Variants in CELF2 observed in about 807,000 individuals in gnomAD.
CELF2 encodes CUGBP Elav-like family member 2, also known as CUG triplet repeat RNA-binding protein 2.
A neutral mutation model predicts 62.6 loss-of-function variants in CELF2; 8 were observed. The ratio of observed to expected loss-of-function variants is 0.13; its 90% confidence interval spans 0.07 to 0.23. CELF2 has a LOEUF of 0.23. CELF2 is among the 10% of genes least tolerant of loss of function. The pLI is 1.00. For missense variants in CELF2, 333 were observed against 671.0 expected, an observed-to-expected ratio of 0.50 and a Z score of 5.56; for synonymous variants, 258 against 250.0, an observed-to-expected ratio of 1.03 and a Z score of -0.30.
chr10:11,303,398 C>T (rs2093946672), intron 9 of CELF2, among the ~76,000 whole-genome samples: 1 of 152,188 alleles, frequency 6.6e-6, no homozygotes, highest in Non-Finnish European at 1.5e-5. Context: ...TCCATCCAGT[C>T]GCCACTCTGG....
At chr10:11,234,839 G>A (rs373583205) in intron 3 of CELF2, among the ~76,000 whole-genome samples, 137 of 152,234 alleles carry the variant, frequency 9.0e-4, no homozygotes, top group African/African-American at 3.2e-3. Context: ...AGGAAGCCCT[G>A]CAGAGTTAAA....
chr10:11,232,386 T>G (rs74115795), intron 3 of CELF2, among the ~76,000 whole-genome samples: 17,375 of 152,216 alleles, frequency 0.11, 1,413 homozygotes, highest in East Asian at 0.23. Flanking sequence ...AGTGACAACT[T>G]TGTCTCTGAG....
the CELF2 span, among the ~76,000 whole-genome samples, chr10:10,620,917 CAAAAAAAA>C: frequency 2.8e-5 from 1 of 35,794 alleles, no homozygotes; most frequent in African/African-American, 1.2e-4. Context: ...GACCCCATCT[CAAAAAAAA>C]AAAAAAAAAA....
the CELF2 span, among the ~76,000 whole-genome samples, chr10:10,531,098 C>T: frequency 6.6e-6 from 1 of 152,210 alleles, no homozygotes; most frequent in Non-Finnish European, 1.5e-5. Flanking sequence ...GATGTCAACA[C>T]TAGATCTTTC....
chr10:11,238,751 A>G (rs2072569927), intron 3 of CELF2, among the ~76,000 whole-genome samples: 1 of 152,222 alleles, frequency 6.6e-6, no homozygotes, highest in African/African-American at 2.4e-5. Flanking sequence ...TTGAACTAAG[A>G]AAAGATTGCC....
chr10:10,776,533 A>G, the CELF2 span: 2 of 154,206 alleles, frequency 1.3e-5, no homozygotes, highest in Non-Finnish European at 2.9e-5. Flanking sequence ...AGATCTAAGC[A>G]ATGAGAACAC....
the CELF2 span, among the ~76,000 whole-genome samples, chr10:10,720,450 A>G: frequency 6.6e-6 from 1 of 152,154 alleles, no homozygotes; most frequent in African/African-American, 2.4e-5. Flanking sequence ...GCCACAAACA[A>G]CAGGACAGTT....
chr10:10,545,897 T>A, the CELF2 span, among the ~76,000 whole-genome samples: 1 of 152,086 alleles, frequency 6.6e-6, no homozygotes, highest in Admixed American at 6.5e-5. Flanking sequence ...CATATCAAAA[T>A]AAGGCCACGT....
chr10:10,670,943 GGATCA>G, the CELF2 span, among the ~76,000 whole-genome samples: 10 of 151,954 alleles, frequency 6.6e-5, no homozygotes, highest in African/African-American at 1.9e-4. Context: ...CTGAGCAGGT[GGATCA>G]CTTGAGCCCA....
intron 1 of CELF2, among the ~76,000 whole-genome samples, chr10:11,130,691 C>T (rs1008566812): frequency 6.6e-6 from 1 of 152,098 alleles, no homozygotes; most frequent in Non-Finnish European, 1.5e-5. Context: ...TTTAAAAATA[C>T]ACTTAAAAAT....
chr10:10,869,412 AT>A (rs1269159961), intron 1 of CELF2, among the ~76,000 whole-genome samples: 4 of 152,068 alleles, frequency 2.6e-5, no homozygotes, highest in Admixed American at 2.0e-4. Flanking sequence ...AAATACAAAA[AT>A]TAATTGGGCA....
At chr10:10,823,973 G>C (rs892308934) in intron 1 of CELF2, among the ~76,000 whole-genome samples, 1 of 148,930 alleles carries the variant, frequency 6.7e-6, no homozygotes, top group Non-Finnish European at 1.5e-5. Flanking sequence ...GCAGATGATA[G>C]ATAGATAGAT....
rs1400614219 is a variant in CELF2 at position 11,165,541 on chromosome 10, C to T, written c.130C>T (p.Pro44Ser). The change falls in exon 2 of 13, where the codon CCA becomes TCA. Residue 44 changes from proline to serine, a missense_variant. This residue lies in a region of CELF2 where 253 missense variants were observed against 503.0 expected (regional missense o/e 0.50). Coordinates refer to ENST00000633077, the MANE Select transcript of CELF2 (RefSeq NM_001326342.2). This position sits in a 1 kb window ranked among gnomAD's most constrained non-coding sequence, Gnocchi z 7.4. Reference protein sequence around the residue: ...GALDHSDQPDPDAIKMFVGQI... With the variant: ...GALDHSDQPDSDAIKMFVGQI... Reference sequence around the variant, plus strand: ...TTTGGATCACTCAGACCAACCAGACCCAGATGCCATTAAGATGTTTGTCGG... The same window carrying T: ...TTTGGATCACTCAGACCAACCAGACTCAGATGCCATTAAGATGTTTGTCGG... 2.3e-5 allele frequency: 37 copies of T among 1,614,040 alleles called. No homozygotes were observed. The highest frequency in any genetic ancestry group is 3.1e-5 in the Non-Finnish European group (36 of 1,180,042).
the CELF2 span, among the ~76,000 whole-genome samples, chr10:10,773,651 T>C: frequency 3.3e-5 from 5 of 152,256 alleles, no homozygotes; most frequent in Non-Finnish European, 5.9e-5. Flanking sequence ...TAGAATTACC[T>C]GCAGGACTTT....
intron 1 of CELF2, among the ~76,000 whole-genome samples, chr10:11,150,397 G>C (rs2063108056): frequency 6.6e-6 from 1 of 152,186 alleles, no homozygotes; most frequent in South Asian, 2.1e-4. Flanking sequence ...ACCTTGTTTT[G>C]AAAAGACTTC....
rs1231838238 is a variant in CELF2, at chr10:11,321,898, A to G, written c.1294+512A>G. 1.3e-5 allele frequency among the ~76,000 whole-genome samples: 2 copies of G among 152,156 alleles called. No individual in the cohort carries two copies. Among genetic ancestry groups the G allele is most frequent in the African/African-American group, 4.8e-5 (2 of 41,424 alleles). On this transcript the variant is annotated intron_variant, in intron 11 of 12. Coordinates refer to ENST00000633077, the MANE Select transcript of CELF2 (RefSeq NM_001326342.2). The surrounding 1 kb of genome is among the most constrained non-coding windows in gnomAD (Gnocchi z 6.2). ...CTGAAGGGTTATGGCATCTCTGCAG[A>G]TCTAAGTCCAGGAAAGTTGATCACC... is the stretch of plus-strand genomic sequence containing the variant.
chr10:10,484,889 A>C, the CELF2 span, among the ~76,000 whole-genome samples: 1 of 152,204 alleles, frequency 6.6e-6, no homozygotes, highest in South Asian at 2.1e-4. Context: ...ATTCTATATC[A>C]GCCCTGAAGA....
At chr10:11,206,512 G>A (rs1356576217) in intron 2 of CELF2, among the ~76,000 whole-genome samples, 1 of 152,220 alleles carries the variant, frequency 6.6e-6, no homozygotes, top group African/African-American at 2.4e-5. Context: ...ACCCCGTGAT[G>A]CCTCCTTGGT....
At chr10:11,299,995 A>G (rs373621044) in intron 9 of CELF2, among the ~76,000 whole-genome samples, 12 of 152,292 alleles carry the variant, frequency 7.9e-5, no homozygotes, top group East Asian at 7.7e-4. Context: ...TACTGCCTGT[A>G]TGAATGGACT....
Sources: allele counts gnomAD v4.1 joint callset (sites outside exome capture counted in the v4.1 genomes callset), GRCh38; gene constraint gnomAD v4.1.1; regional missense constraint gnomAD v4.1.1; non-coding constraint Gnocchi (gnomAD v3.1); transcripts MANE v1.5; gene names NCBI Gene and HGNC (gene_info 2026-07-23, HGNC 2026-07-21).